MMP16: variants seen among roughly 807,000 people sequenced by gnomAD.
MMP16 encodes matrix metallopeptidase 16, also known as matrix metalloproteinase-16.
In MMP16, 12 loss-of-function variants were observed where a neutral mutation model predicts 67.8. The observed-to-expected ratio is 0.18, with a 90% confidence interval of 0.11 to 0.29. The LOEUF (loss-of-function observed/expected upper bound fraction) is 0.29, where lower values mean the gene tolerates loss of function less well. Ranked by LOEUF, MMP16 falls within the 10% of genes least tolerant of loss-of-function variation. The pLI, the probability that MMP16 is intolerant of heterozygous loss-of-function variation, is 1.00. For missense variants in MMP16, 475 were observed against 765.7 expected (o/e 0.62, Z 4.48); for synonymous variants, 249 against 255.9 (o/e 0.97, Z 0.26).
intron 4 of MMP16, among the ~76,000 whole-genome samples, chr8:88,167,324 CA>C (rs201899755): frequency 6.6e-6 from 1 of 151,096 alleles, no homozygotes; most frequent in Non-Finnish European, 1.5e-5. Context: ...GGATAAGATG[CA>C]AAAAAAACAG....
chr8:88,147,738 C>T (rs990862069), intron 4 of MMP16, among the ~76,000 whole-genome samples: 1 of 151,158 alleles, frequency 6.6e-6, no homozygotes, highest in Non-Finnish European at 1.5e-5. Context: ...TTGGAAAAAT[C>T]CTCTCTTTGG....
At chr8:88,138,413 A>C (rs1267964296) in intron 4 of MMP16, among the ~76,000 whole-genome samples, 1 of 151,992 alleles carries the variant, frequency 6.6e-6, no homozygotes. Context: ...AGCCAACTGA[A>C]GACTATTTTG....
At chr8:88,297,683 A>T (rs545097987) in intron 1 of MMP16, among the ~76,000 whole-genome samples, 1 of 152,218 alleles carries the variant, frequency 6.6e-6, no homozygotes, top group Non-Finnish European at 1.5e-5. Context: ...CTCTAGAGGC[A>T]GACTGTCAGG....
intron 1 of MMP16, among the ~76,000 whole-genome samples, chr8:88,220,567 C>T (rs1450749504): frequency 6.6e-6 from 1 of 151,674 alleles, no homozygotes; most frequent in Non-Finnish European, 1.5e-5. Flanking sequence ...TAGGTAGTGT[C>T]GTACACCATC....
chr8:88,174,823 C>T (rs971791374), intron 3 of MMP16, among the ~76,000 whole-genome samples: 7 of 151,132 alleles, frequency 4.6e-5, no homozygotes, highest in Admixed American at 2.0e-4. Context: ...GGCACAATCT[C>T]GGCTCACTGC....
chr8:88,210,500 T>C (rs7841851), intron 1 of MMP16, among the ~76,000 whole-genome samples: 149,619 of 152,186 alleles, frequency 0.98, 73,595 homozygotes, highest in East Asian at 1. Flanking sequence ...ATTTTCTGCC[T>C]ACTGGGTTTA....
chr8:88,249,795 T>G (rs911465737), intron 1 of MMP16, among the ~76,000 whole-genome samples: 2 of 152,004 alleles, frequency 1.3e-5, no homozygotes, highest in East Asian at 3.9e-4. Flanking sequence ...CCATGAGAAA[T>G]AGGAGCAACA....
chr8:88,160,113 C>T (rs1808590252), intron 4 of MMP16, among the ~76,000 whole-genome samples: 1 of 151,662 alleles, frequency 6.6e-6, no homozygotes, highest in African/African-American at 2.4e-5. Flanking sequence ...TAATGCTATC[C>T]CTCCCCCTTC....
At chr8:88,232,444 T>C (rs374350019) in intron 1 of MMP16, among the ~76,000 whole-genome samples, 2 of 152,250 alleles carry the variant, frequency 1.3e-5, no homozygotes, top group African/African-American at 2.4e-5. Context: ...TAACTACATA[T>C]TTGGAGAGCT....
intron 2 of MMP16, 53 bp downstream of exon 2, chr8:88,197,105 A>C: frequency 6.4e-7 from 1 of 1,571,022 alleles, no homozygotes; most frequent in Non-Finnish European, 8.6e-7. Flanking sequence ...TTTCCAGACT[A>C]CTTAGTTTGG....
chr8:88,183,712 CTTTTT>C (rs71277981), intron 3 of MMP16, among the ~76,000 whole-genome samples: 1 of 92,068 alleles, frequency 1.1e-5, no homozygotes, highest in African/African-American at 4.0e-5. Flanking sequence ...AAATGTCCTT[CTTTTT>C]TTTTTTTTTT....
At position 88,034,635 on chromosome 8, in the gene MMP16, G is replaced by A. The variant is rs377647152; in HGVS notation, c.*6826C>T. 7.2e-5 allele frequency: 11 copies of A among 152,076 alleles called. No individual in the cohort carries two copies. Among genetic ancestry groups the A allele is most frequent in the African/African-American group, 2.6e-4 (11 of 41,522 alleles). The allele number at this position is 152,076 out of a possible 1,614,324, so 9.4% of individuals were successfully genotyped here. ...GCAAAAATTGTAACATTGATTTAAG[G>A]ATAACGCTCATATTACTACCAAAAT... On this transcript the variant is annotated 3_prime_UTR_variant, in exon 10 of 10. Coordinates refer to ENST00000286614, the MANE Select transcript of MMP16 (RefSeq NM_005941.5).
intron 1 of MMP16, among the ~76,000 whole-genome samples, chr8:88,242,823 C>G (rs1810054088): frequency 1.3e-5 from 2 of 152,126 alleles, no homozygotes; most frequent in Admixed American, 6.6e-5. Context: ...ATCCTTCAGG[C>G]TGGTTAGTAG....
At chr8:88,147,780 T>C (rs1358391658) in intron 4 of MMP16, among the ~76,000 whole-genome samples, 1 of 149,044 alleles carries the variant, frequency 6.7e-6, no homozygotes, top group Non-Finnish European at 1.5e-5. Flanking sequence ...TATGTGTTTG[T>C]GTGTGTGTGT....
rs898552805 is a variant in MMP16, at chr8:88,032,946, T to A, written c.*8515A>T. 3 of 152,086 alleles carry A rather than the reference T, an allele frequency of 2.0e-5. No individual in the cohort carries two copies. Among genetic ancestry groups the A allele is most frequent in the Admixed American group, 2.0e-4 (3 of 15,254 alleles). 9.4% of individuals were successfully genotyped at this position (152,086 alleles called of 1,614,324 possible). On this transcript the variant is annotated 3_prime_UTR_variant, in exon 10 of 10. Coordinates refer to ENST00000286614, the MANE Select transcript of MMP16 (RefSeq NM_005941.5). ...ACTCTCTCCATAATTGAAAACATCA[T>A]GGGGAATTAAAAGAAAGGTGAAGTA...
chr8:88,297,444 A>T (rs1307349811), intron 1 of MMP16, among the ~76,000 whole-genome samples: 1 of 152,176 alleles, frequency 6.6e-6, no homozygotes. Flanking sequence ...ATTATGATTA[A>T]CCATAGAGAT....
chr8:88,187,939 G>T (rs980706530), intron 2 of MMP16, among the ~76,000 whole-genome samples: 1 of 152,066 alleles, frequency 6.6e-6, no homozygotes, highest in Admixed American at 6.6e-5. Context: ...TCTTGTAAAC[G>T]CTAAATTCTA....
chr8:88,285,813 C>A (rs143187652), intron 1 of MMP16, among the ~76,000 whole-genome samples: 5 of 152,312 alleles, frequency 3.3e-5, no homozygotes, highest in Admixed American at 2.6e-4. Context: ...ACAACCAACA[C>A]ATTATCCATC....
chr8:88,081,116 C>T (rs1808744204), intron 6 of MMP16, among the ~76,000 whole-genome samples: 1 of 152,002 alleles, frequency 6.6e-6, no homozygotes. Context: ...TAGCTATGTA[C>T]ATCTGGGCAG....
Sources: allele counts gnomAD v4.1 joint callset (sites outside exome capture counted in the v4.1 genomes callset), GRCh38; gene constraint gnomAD v4.1.1; transcripts MANE v1.5; gene names NCBI Gene and HGNC (gene_info 2026-07-23, HGNC 2026-07-21).